The following DLGAP1 variants were observed in gnomAD, a reference collection of about 807,000 sequenced individuals.
The protein encoded by DLGAP1 is DLG associated protein 1, also known as disks large-associated protein 1.
DLGAP1 carries 11 observed loss-of-function variants against 90.8 expected under a neutral mutation model. The ratio of observed to expected loss-of-function variants is 0.12; its 90% CI spans 0.08 to 0.20. DLGAP1 has a LOEUF of 0.20. Among genes scored for constraint, DLGAP1 ranks in the 10% least tolerant of loss-of-function variants. The probability of loss-of-function intolerance (pLI) is 1.00; values close to 1 mark genes in which losing one functional copy is unlikely to be tolerated. For missense variants in DLGAP1, 1,050 were observed against 1,333.8 expected, an observed-to-expected ratio of 0.79 and a Z score of 3.31; for synonymous variants, 558 against 540.7, an observed-to-expected ratio of 1.03 and a Z score of -0.44.
intron 3 of DLGAP1, among the ~76,000 whole-genome samples, chr18:3,889,463 G>C (rs185524804): frequency 1.3e-4 from 20 of 152,024 alleles, no homozygotes; most frequent in African/African-American, 3.6e-4. Context: ...CTCTTATAAA[G>C]TCTCTTTCTT....
chr18:4,314,045 T>C (rs968164740), intron 1 of DLGAP1, among the ~76,000 whole-genome samples: 16 of 151,612 alleles, frequency 1.1e-4, no homozygotes, highest in African/African-American at 3.9e-4. Context: ...CCCACAAGAG[T>C]GGAGAGAGGA....
intron 3 of DLGAP1, among the ~76,000 whole-genome samples, chr18:3,981,118 A>T (rs192426072): frequency 6.6e-6 from 1 of 152,290 alleles, no homozygotes; most frequent in East Asian, 1.9e-4. Context: ...AAAAAGTAGG[A>T]TTGTTTGTCT....
At chr18:4,245,617 A>G (rs2078638151) in intron 1 of DLGAP1, among the ~76,000 whole-genome samples, 1 of 152,220 alleles carries the variant, frequency 6.6e-6, no homozygotes, top group Non-Finnish European at 1.5e-5. Flanking sequence ...CAGCACAGAG[A>G]TAACACAGAG....
intron 5 of DLGAP1, among the ~76,000 whole-genome samples, chr18:3,788,756 C>T (rs967998662): frequency 6.6e-6 from 1 of 152,052 alleles, no homozygotes; most frequent in East Asian, 1.9e-4. Context: ...AGGAGAGCTA[C>T]AAAGCACCTG....
intron 5 of DLGAP1, among the ~76,000 whole-genome samples, chr18:3,768,278 G>A (rs547030311): frequency 1.3e-5 from 2 of 152,022 alleles, no homozygotes; most frequent in Non-Finnish European, 2.9e-5. Flanking sequence ...AAAGTACATG[G>A]CACTGATGAA....
intron 7 of DLGAP1, among the ~76,000 whole-genome samples, chr18:3,643,217 C>T (rs144424477): frequency 9.3e-5 from 14 of 149,864 alleles, no homozygotes; most frequent in South Asian, 2.1e-4. Context: ...TACGTAGAAA[C>T]GGGAGGACAG....
chr18:4,123,841 T>C (rs1481988998), intron 2 of DLGAP1, among the ~76,000 whole-genome samples: 1 of 152,196 alleles, frequency 6.6e-6, no homozygotes, highest in African/African-American at 2.4e-5. Context: ...GTTTTGCCCC[T>C]GGAGGGGTTA....
intron 1 of DLGAP1, among the ~76,000 whole-genome samples, chr18:4,269,729 T>C (rs2079231470): frequency 6.6e-6 from 1 of 151,924 alleles, no homozygotes; most frequent in South Asian, 2.1e-4. Flanking sequence ...CTATAATTAA[T>C]GTTACAGCTA....
chr18:3,640,629 C>T (rs986219888), intron 7 of DLGAP1, among the ~76,000 whole-genome samples: 3 of 152,244 alleles, frequency 2.0e-5, no homozygotes, highest in Non-Finnish European at 4.4e-5. Context: ...TGATCCTGTG[C>T]TCTTCCTATA....
intron 1 of DLGAP1, among the ~76,000 whole-genome samples, chr18:4,276,370 T>G (rs1304209265): frequency 1.3e-5 from 2 of 152,120 alleles, no homozygotes; most frequent in East Asian, 3.9e-4. Context: ...GCACGTTGGC[T>G]TATCCCTGTA....
intron 7 of DLGAP1, among the ~76,000 whole-genome samples, chr18:3,680,744 G>C (rs919458884): frequency 1.4e-5 from 2 of 144,732 alleles, no homozygotes; most frequent in Non-Finnish European, 3.0e-5. Flanking sequence ...AGCCGAGATC[G>C]CGCCACTGCA....
At chr18:4,426,282 TAGA>T (rs1418357495) in intron 1 of DLGAP1, among the ~76,000 whole-genome samples, 1 of 152,208 alleles carries the variant, frequency 6.6e-6, no homozygotes, top group Admixed American at 6.5e-5. Flanking sequence ...GAGGCCACGA[TAGA>T]AGAAGATATC....
At chr18:3,891,394 G>T (rs1035145545) in intron 3 of DLGAP1, among the ~76,000 whole-genome samples, 1 of 152,258 alleles carries the variant, frequency 6.6e-6, no homozygotes, top group Non-Finnish European at 1.5e-5. Flanking sequence ...AGGCTGCTGA[G>T]TGTCGCTGGG....
intron 2 of DLGAP1, among the ~76,000 whole-genome samples, chr18:4,125,739 G>A (rs2076222742): frequency 6.6e-6 from 1 of 152,234 alleles, no homozygotes; most frequent in African/African-American, 2.4e-5. Context: ...GGACGTTGAA[G>A]AAACTAGATT....
At chr18:3,702,438 T>C (rs2061312272) in intron 7 of DLGAP1, among the ~76,000 whole-genome samples, 2 of 152,232 alleles carry the variant, frequency 1.3e-5, no homozygotes, top group African/African-American at 4.8e-5. Flanking sequence ...CATAAATTGC[T>C]ACCTTTCTAT....
chr18:3,901,048 C>T (rs1035642755), intron 3 of DLGAP1, among the ~76,000 whole-genome samples: 8 of 152,176 alleles, frequency 5.3e-5, no homozygotes, highest in Middle Eastern at 3.4e-3. Context: ...GACAGCCCCT[C>T]GTGATCTTGC....
intron 1 of DLGAP1, among the ~76,000 whole-genome samples, chr18:4,216,372 C>A (rs536391885): frequency 1.8e-4 from 27 of 152,006 alleles, no homozygotes; most frequent in South Asian, 8.3e-4. Flanking sequence ...GGTGACAGAG[C>A]CAAACCATAT....
intron 2 of DLGAP1, among the ~76,000 whole-genome samples, chr18:4,017,845 A>C (rs1692098184): frequency 6.6e-6 from 1 of 152,094 alleles, no homozygotes; most frequent in Non-Finnish European, 1.5e-5. Context: ...CTAAAGCCTA[A>C]TGTGCTATAC....
chr18:4,377,286 T>A (rs997650103), intron 1 of DLGAP1, among the ~76,000 whole-genome samples: 9 of 152,124 alleles, frequency 5.9e-5, no homozygotes, highest in Admixed American at 4.6e-4. Flanking sequence ...TTTACTACCA[T>A]TCTCATCCAC....
Sources: gnomAD v4.1 joint callset for allele counts (sites outside exome capture counted in the v4.1 genomes callset) on GRCh38, gnomAD v4.1.1 for gene constraint, MANE v1.5 for transcripts, NCBI Gene and HGNC (gene_info 2026-07-23, HGNC 2026-07-21) for gene names.